Variants in KCNJ6 observed in about 807,000 individuals in gnomAD.
KCNJ6 encodes G protein-activated inward rectifier potassium channel 2.
KCNJ6 carries 9 observed loss-of-function variants against 34.2 expected under a neutral mutation model. The observed-to-expected ratio is 0.26, with a 90% CI of 0.16 to 0.46. The LOEUF (loss-of-function observed/expected upper bound fraction) is 0.46, where lower values mean the gene tolerates loss of function less well. Among genes scored for constraint, KCNJ6 ranks in the 20% least tolerant of loss-of-function variants. The pLI, the probability that KCNJ6 is intolerant of heterozygous loss-of-function variation, is 1.00. For missense variants in KCNJ6, 236 were observed against 531.3 expected (o/e 0.44, Z 5.46); for synonymous variants, 196 against 207.1 (o/e 0.95, Z 0.46).
chr21:37,866,708 C>G (rs549279824), intron 1 of KCNJ6, among the ~76,000 whole-genome samples: 26 of 152,178 alleles, frequency 1.7e-4, no homozygotes, highest in African/African-American at 6.3e-4. Context: ...AGCACTTCAG[C>G]CAGATTCACC....
rs907929254 is a variant in KCNJ6, at chr21:37,610,480, TC to T, written c.*14678del. 1 of 151,514 alleles carries T rather than the reference TC, an allele frequency of 6.6e-6. No individual in the cohort carries two copies. The highest frequency in any genetic ancestry group is 2.4e-5 in the African/African-American group (1 of 41,156). 9.4% of individuals were successfully genotyped at this position (151,514 alleles called of 1,614,324 possible). ...CAGGTTTGGTGGTGGGCACCTGTAGTCCCAACTACTTGGGAGGCTGAGGCAG... is the reference window on the plus strand; with the variant it reads ...CAGGTTTGGTGGTGGGCACCTGTAGTCCAACTACTTGGGAGGCTGAGGCAG... On this transcript the variant is annotated 3_prime_UTR_variant, in exon 4 of 4. Transcript: ENST00000609713.
At chr21:37,817,171 C>G (rs1025193951) in intron 2 of KCNJ6, among the ~76,000 whole-genome samples, 1 of 152,120 alleles carries the variant, frequency 6.6e-6, no homozygotes, top group Non-Finnish European at 1.5e-5. Context: ...GCTCTTAGAA[C>G]AAAAATGGCT....
chr21:37,888,552 T>C (rs2055746721), intron 1 of KCNJ6, among the ~76,000 whole-genome samples: 2 of 152,292 alleles, frequency 1.3e-5, no homozygotes, highest in African/African-American at 4.8e-5. Flanking sequence ...AGCAGTTTTC[T>C]CAACAAATAG....
chr21:37,869,141 A>G (rs1203812415), intron 1 of KCNJ6, among the ~76,000 whole-genome samples: 1 of 152,222 alleles, frequency 6.6e-6, no homozygotes, highest in African/African-American at 2.4e-5. Flanking sequence ...CTTGGAGTCA[A>G]TCATGAATCA....
chr21:37,633,967 T>C lies in KCNJ6; in HGVS notation c.947-8483A>G, dbSNP rs115499859. ...ATTTGACAAATCCTTTCTTACACCA[T>C]GAGGAAGTACAAAGACTCAAAAGTC... On this transcript the variant is annotated intron_variant, in intron 3 of 3. Transcript: ENST00000609713. Among the ~76,000 whole-genome samples the C allele has an allele frequency of 6.5e-3, 983 of 151,990 alleles. 14 individuals are homozygous for C. The highest frequency in any genetic ancestry group is 0.023 in the African/African-American group (935 of 41,458).
intron 2 of KCNJ6, among the ~76,000 whole-genome samples, chr21:37,802,505 A>G (rs2055273975): frequency 6.6e-6 from 1 of 152,144 alleles, no homozygotes; most frequent in Non-Finnish European, 1.5e-5. Flanking sequence ...GTGGAGAGAG[A>G]GAGATTGGAA....
At chr21:37,711,804 C>CCG (rs2054754355) in intron 3 of KCNJ6, among the ~76,000 whole-genome samples, 2 of 151,228 alleles carry the variant, frequency 1.3e-5, no homozygotes, top group African/African-American at 4.9e-5. Flanking sequence ...AGAACCCCCC[C>CCG]CCCAAGTCTA....
At chr21:37,828,607 A>C (rs975035682) in intron 2 of KCNJ6, among the ~76,000 whole-genome samples, 9 of 152,240 alleles carry the variant, frequency 5.9e-5, no homozygotes, top group African/African-American at 2.2e-4. Flanking sequence ...TCCTCCAAGC[A>C]GGTGTTTGCA....
rs909956690 is a variant in KCNJ6 at position 37,814,948 on chromosome 21, C to T, written c.25+25710G>A. 5.4e-5 allele frequency among the ~76,000 whole-genome samples: 8 copies of T among 149,498 alleles called. No individual in the cohort carries two copies. The South Asian group carries it at 1.5e-3, about 28-fold the overall frequency. ...GAATTTTTCCATGGATGGAAAAATT[C>T]CGTCCATGTTTGCAACAACATGGAA... On this transcript the variant is annotated intron_variant, in intron 2 of 3. Transcript: ENST00000609713.
At chr21:37,897,059 T>C (rs2055792339) in intron 1 of KCNJ6, among the ~76,000 whole-genome samples, 1 of 152,198 alleles carries the variant, frequency 6.6e-6, no homozygotes, top group Admixed American at 6.5e-5. Context: ...GAGCTTTGCC[T>C]GTAGGAACAA....
chr21:37,658,669 C>T (rs3392), intron 3 of KCNJ6, among the ~76,000 whole-genome samples: 1 of 152,122 alleles, frequency 6.6e-6, no homozygotes, highest in Admixed American at 6.5e-5. Context: ...CCAGAGGCAG[C>T]GCTTACAGGA....
At chr21:37,808,780 G>T (rs193200228) in intron 2 of KCNJ6, among the ~76,000 whole-genome samples, 1 of 152,200 alleles carries the variant, frequency 6.6e-6, no homozygotes, top group African/African-American at 2.4e-5. Context: ...AAGACTTCAA[G>T]CTTCTTTATT....
At chr21:37,906,465 C>G (rs2055842013) in intron 1 of KCNJ6, among the ~76,000 whole-genome samples, 2 of 152,168 alleles carry the variant, frequency 1.3e-5, no homozygotes. Context: ...TAGCTCCCAC[C>G]CTTTAGAGTG....
intron 1 of KCNJ6, among the ~76,000 whole-genome samples, chr21:37,858,286 G>A (rs371793548): frequency 3.3e-5 from 5 of 150,876 alleles, no homozygotes; most frequent in Admixed American, 6.6e-5. Flanking sequence ...CCAGCTACTC[G>A]GGAGGCTGAG....
intron 1 of KCNJ6, among the ~76,000 whole-genome samples, chr21:37,867,255 C>T (rs1354516540): frequency 6.6e-6 from 1 of 152,080 alleles, no homozygotes; most frequent in African/African-American, 2.4e-5. Context: ...CCTTTAATAA[C>T]ACCTGAGGTG....
chr21:37,701,904 C>A (rs748475562), intron 3 of KCNJ6, among the ~76,000 whole-genome samples: 27 of 152,090 alleles, frequency 1.8e-4, no homozygotes, highest in Non-Finnish European at 3.7e-4. Context: ...GGGTTTTAAG[C>A]AAGTGAGGTG....
intron 2 of KCNJ6, among the ~76,000 whole-genome samples, chr21:37,738,971 C>T (rs369506497): frequency 6.1e-4 from 93 of 152,298 alleles, no homozygotes; most frequent in African/African-American, 2.1e-3. Flanking sequence ...CAGAGAGAAT[C>T]CTGTGTCAGT....
Position 37,763,730 on chromosome 21 carries a change from A to C in KCNJ6, c.26-48599T>G, listed in dbSNP as rs190912655. On this transcript the variant is annotated intron_variant, in intron 2 of 3. Transcript: ENST00000609713. ...CCCCACCCTGTGTGCAAGTGTTCTC[A>C]TTGTTCAATTCCCACCTATGAGTGA... Among the ~76,000 whole-genome samples the C allele has an allele frequency of 2.6e-5, 4 of 152,176 alleles. No individual in the cohort carries two copies. In the East Asian group the frequency reaches 7.7e-4, roughly 29 times the overall value.
intron 1 of KCNJ6, among the ~76,000 whole-genome samples, chr21:37,878,548 C>A (rs1016431884): frequency 6.6e-6 from 1 of 152,210 alleles, no homozygotes; most frequent in Non-Finnish European, 1.5e-5. Flanking sequence ...TCCAGCCCAG[C>A]CCTATGGCAA....
Sources: allele counts gnomAD v4.1 joint callset (sites outside exome capture counted in the v4.1 genomes callset), GRCh38; gene constraint gnomAD v4.1.1; transcripts MANE v1.5; gene names NCBI Gene and HGNC (gene_info 2026-07-23, HGNC 2026-07-21).